PHIP: variants seen among roughly 807,000 people sequenced by gnomAD.
PHIP encodes PHIP subunit of CUL4-Ring ligase complex.
Under a neutral mutation model 236.8 loss-of-function variants are expected in PHIP, and 54 were observed. The observed-to-expected ratio is 0.23, with a 90% CI of 0.18 to 0.29. PHIP has a LOEUF of 0.29. Ranked by LOEUF, PHIP falls within the 10% of genes least tolerant of loss-of-function variation. PHIP has a pLI of 1.00. For missense variants in PHIP, 1,370 were observed against 2,190.8 expected (o/e 0.63, Z 7.48); for synonymous variants, 756 against 718.9 (o/e 1.05, Z -0.83).
intron 6 of PHIP, among the ~76,000 whole-genome samples, chr6:79,057,740 T>TA (rs1248994327): frequency 6.6e-6 from 1 of 151,908 alleles, no homozygotes; most frequent in Non-Finnish European, 1.5e-5. Context: ...AAAGAAGAAA[T>TA]AAGTCAGTAC....
chr6:78,958,494 G>C lies in PHIP; in HGVS notation c.3763C>G (p.Leu1255Val). ...ACTTACTTTATAAAATGTAGAAGAA[G>C]ATCAGTCACGAATTTAGCAGATTTC... ...IVKSAKFVTD[L>V]LLHFIKDQTC... Residue 1255 changes from leucine (L) to valine (V), a missense_variant, in exon 32 of 40, where the codon CTT becomes GTT. By Grantham distance (32) the Leu-to-Val change is conservative (BLOSUM62 1). Coordinates refer to ENST00000275034, the MANE Select transcript of PHIP (RefSeq NM_017934.7). The C allele has an allele frequency of 6.5e-7, 1 of 1,537,744 alleles. No individual in the cohort carries two copies. Among genetic ancestry groups the C allele is most frequent in the Non-Finnish European group, 9.0e-7 (1 of 1,111,900 alleles).
intron 20 of PHIP, among the ~76,000 whole-genome samples, chr6:78,988,734 T>A (rs2127722154): frequency 6.7e-6 from 1 of 148,280 alleles, no homozygotes; most frequent in South Asian, 2.1e-4. Flanking sequence ...ACAAAAATGC[T>A]GTTTTTTTTT....
chr6:79,034,613 T>A (rs1422052028), intron 7 of PHIP, among the ~76,000 whole-genome samples: 1 of 152,180 alleles, frequency 6.6e-6, no homozygotes, highest in Non-Finnish European at 1.5e-5. Flanking sequence ...AAGCTAAGTT[T>A]CAGAACAACT....
At chr6:78,964,780 C>T (rs1481093446) in intron 29 of PHIP, among the ~76,000 whole-genome samples, 2 of 152,118 alleles carry the variant, frequency 1.3e-5, no homozygotes, top group Admixed American at 1.3e-4. Context: ...TGTGAGCCAC[C>T]ACTCCTGCCC....
At chr6:78,993,434 GAAGT>G (rs202082590) in intron 19 of PHIP, among the ~76,000 whole-genome samples, 5,606 of 152,320 alleles carry the variant, frequency 0.037, 102 homozygotes, top group Middle Eastern at 0.058. Flanking sequence ...CAGCTAGAGA[GAAGT>G]AAGGGCTTGG....
rs888060832 is a variant in PHIP, at chr6:78,988,271, A to C, written c.2398T>G (p.Ser800Ala). ...GGTCTAGGAGTCTCTTCCAATGCAG[A>C]TCTTGTACGATAATTGTGTTGATTT... ...QTNQHNYRTR[S>A]ALEETPRPSE... The change falls in exon 21 of 40, where the codon TCT (serine) becomes GCT (alanine). Residue 800 changes from serine (S) to alanine (A), a missense_variant. By Grantham distance (99) the Ser-to-Ala change is moderately conservative. Transcript: ENST00000275034. 6.2e-7 allele frequency: 1 copy of C among 1,608,730 alleles called. No individual in the cohort carries two copies. The highest frequency in any genetic ancestry group is 8.5e-7 in the Non-Finnish European group (1 of 1,176,162).
intron 24 of PHIP, among the ~76,000 whole-genome samples, chr6:78,973,319 G>T (rs1767759746): frequency 6.6e-6 from 1 of 150,558 alleles, no homozygotes; most frequent in Non-Finnish European, 1.5e-5. Flanking sequence ...TTACAGACAA[G>T]CAAATGCTGA....
intron 19 of PHIP, 91 bp from the exon 20 acceptor site, chr6:78,991,076 T>C: frequency 1.4e-6 from 1 of 710,712 alleles, no homozygotes; most frequent in Non-Finnish European, 2.4e-6. Flanking sequence ...GGAACGCTAC[T>C]CCTGATGTTT....
chr6:79,051,077 T>C (rs566988504), intron 6 of PHIP, among the ~76,000 whole-genome samples: 1 of 152,270 alleles, frequency 6.6e-6, no homozygotes, highest in African/African-American at 2.4e-5. Flanking sequence ...TAATTCACTA[T>C]AGAGCCACAA....
At chr6:78,942,998 A>T (rs1773581144) in intron 39 of PHIP, among the ~76,000 whole-genome samples, 1 of 152,194 alleles carries the variant, frequency 6.6e-6, no homozygotes, top group African/African-American at 2.4e-5. Context: ...GGCACATGAA[A>T]AGTTATGCAG....
chr6:79,045,643 A>G (rs1243215230), intron 6 of PHIP, among the ~76,000 whole-genome samples: 1 of 152,176 alleles, frequency 6.6e-6, no homozygotes, highest in Non-Finnish European at 1.5e-5. Flanking sequence ...AGAAATTAAT[A>G]AGAGACCAAT....
intron 39 of PHIP, among the ~76,000 whole-genome samples, chr6:78,944,887 G>A (rs547595868): frequency 6.6e-6 from 1 of 152,310 alleles, no homozygotes; most frequent in Non-Finnish European, 1.5e-5. Context: ...AGAACTTGAA[G>A]TGTAACAGTA....
At chr6:78,947,375 C>A (rs574926328) in intron 36 of PHIP, among the ~76,000 whole-genome samples, 1 of 152,136 alleles carries the variant, frequency 6.6e-6, no homozygotes, top group South Asian at 2.1e-4. Flanking sequence ...CTGGTGCATA[C>A]CAGGACAATT....
chr6:78,984,951 A>G (rs1025831572), intron 22 of PHIP, among the ~76,000 whole-genome samples: 5 of 152,226 alleles, frequency 3.3e-5, no homozygotes, highest in South Asian at 2.1e-4. Context: ...TAAGGTAGGC[A>G]TAACAAGAAA....
At chr6:78,999,483 A>C (rs1769851381) in intron 17 of PHIP, among the ~76,000 whole-genome samples, 1 of 152,120 alleles carries the variant, frequency 6.6e-6, no homozygotes, top group African/African-American at 2.4e-5. Context: ...GTCCAAACCC[A>C]TTAGTTCCTC....
intron 31 of PHIP, among the ~76,000 whole-genome samples, chr6:78,959,992 A>G (rs1033755857): frequency 1.3e-5 from 2 of 152,126 alleles, no homozygotes; most frequent in African/African-American, 2.4e-5. Flanking sequence ...TGTACAATAC[A>G]CTGTACAGTA....
At chr6:79,010,128 AAGAAAG>A (rs1194938324) in intron 15 of PHIP, among the ~76,000 whole-genome samples, 4 of 151,702 alleles carry the variant, frequency 2.6e-5, no homozygotes, top group Non-Finnish European at 4.4e-5. Flanking sequence ...GAGAAAAGAA[AAGAAAG>A]AGAAAGAGAG....
chr6:79,021,875 T>C (rs1025954429), intron 9 of PHIP, among the ~76,000 whole-genome samples: 2 of 152,190 alleles, frequency 1.3e-5, no homozygotes, highest in South Asian at 2.1e-4. Flanking sequence ...AGGAGTGTAA[T>C]TGGATAATTT....
At position 78,940,559 on chromosome 6, in the gene PHIP, T is replaced by TG. The variant is rs1773446151; in HGVS notation, c.*133_*134insC. 1 of 180,450 alleles carries TG rather than the reference T, an allele frequency of 5.5e-6. No homozygotes were observed. The highest frequency in any genetic ancestry group is 2.2e-4 in the South Asian group (1 of 4,534). 11.2% of individuals were successfully genotyped at this position (180,450 alleles called of 1,614,324 possible). A position where few individuals can be genotyped will look rare whatever the true frequency, so the allele number is the denominator to read the frequency against. On this transcript the variant is annotated 3_prime_UTR_variant, in exon 40 of 40. Transcript: ENST00000275034. The stretch of plus-strand genomic sequence containing the variant: ...TGTCTCGTAAGTTTGTTTTTTTTTT[T>TG]TTTTTTTTTTTTGCAAATCAAATCA...
Sources: allele counts gnomAD v4.1 joint callset (sites outside exome capture counted in the v4.1 genomes callset), GRCh38; gene constraint gnomAD v4.1.1; transcripts MANE v1.5; gene names NCBI Gene and HGNC (gene_info 2026-07-23, HGNC 2026-07-21).